The following SLIT3 variants were observed in gnomAD, a reference collection of about 807,000 sequenced individuals.
The protein encoded by SLIT3 is slit guidance ligand 3.
In SLIT3, 68 loss-of-function variants were observed where a neutral mutation model predicts 184.0. That is an observed-to-expected ratio of 0.37 (90% CI 0.30 to 0.45). SLIT3 has a LOEUF of 0.45. Among genes scored for constraint, SLIT3 ranks in the 20% least tolerant of loss-of-function variants. The pLI is 1.00. For synonymous variants in SLIT3, 831 were observed against 828.6 expected (o/e 1.00, Z -0.05); for missense variants, 1,707 against 2,026.0 (o/e 0.84, Z 3.02).
intron 3 of SLIT3, among the ~76,000 whole-genome samples, chr5:169,199,041 T>C (rs28420981): frequency 5.3e-4 from 80 of 151,104 alleles, no homozygotes; most frequent in African/African-American, 1.9e-3. Flanking sequence ...TACATACATA[T>C]ACACATGTCT....
At chr5:169,220,215 G>T (rs893671497) in intron 3 of SLIT3, among the ~76,000 whole-genome samples, 6 of 151,816 alleles carry the variant, frequency 4.0e-5, no homozygotes, top group African/African-American at 1.5e-4. Flanking sequence ...ATAGCCACTG[G>T]TCCCATGGCG....
rs555924639 is a variant in SLIT3 at position 169,088,301 on chromosome 5, C to A, written c.413+105178G>T. ...AGGTGGTTCACGGTGTTTCAGAAGA[C>A]ACAGCACGTATTACAAAGGGTCCAT... is the stretch of plus-strand genomic sequence containing the variant. On this transcript the variant is annotated intron_variant, in intron 4 of 35. Coordinates refer to ENST00000519560, the MANE Select transcript of SLIT3 (RefSeq NM_003062.4). Among the ~76,000 whole-genome samples the A allele has an allele frequency of 5.9e-5, 9 of 152,162 alleles. No individual in the cohort carries two copies. In the South Asian group the frequency reaches 1.5e-3, roughly 25 times the overall value.
chr5:168,832,614 T>A (rs1271913337), intron 6 of SLIT3, among the ~76,000 whole-genome samples: 2 of 152,230 alleles, frequency 1.3e-5, no homozygotes. Context: ...GCTTGTCATA[T>A]AAGTGAGTGA....
rs149975819 is a variant in SLIT3 at position 168,676,880 on chromosome 5, C to T, written c.3687-3549G>A. Among the ~76,000 whole-genome samples, 35 of 152,338 alleles carry T rather than the reference C, an allele frequency of 2.3e-4. No individual in the cohort carries two copies. In the East Asian group the frequency reaches 6.0e-3, roughly 26 times the overall value. On this transcript the variant is annotated intron_variant, in intron 32 of 35. Transcript: ENST00000519560. Reference sequence around the variant, plus strand: ...GCGAACACATACCACCTACTCCTGCCTGGCAGCTGGCTCCAGGCCCAACTC... The same window carrying T: ...GCGAACACATACCACCTACTCCTGCTTGGCAGCTGGCTCCAGGCCCAACTC...
intron 4 of SLIT3, among the ~76,000 whole-genome samples, chr5:169,048,979 T>C (rs1171702713): frequency 1.3e-5 from 2 of 152,286 alleles, no homozygotes; most frequent in African/African-American, 4.8e-5. Context: ...ACAACCAGCA[T>C]AGTATTGGAC....
At chr5:169,161,583 C>T (rs867724158) in intron 4 of SLIT3, among the ~76,000 whole-genome samples, 14 of 151,958 alleles carry the variant, frequency 9.2e-5, no homozygotes, top group African/African-American at 2.9e-4. Context: ...CAGTCACTCC[C>T]GGCTGACCAT....
intron 5 of SLIT3, among the ~76,000 whole-genome samples, chr5:168,873,025 G>A (rs903527925): frequency 3.9e-5 from 6 of 152,096 alleles, no homozygotes; most frequent in African/African-American, 1.4e-4. Flanking sequence ...CCTACCTTGG[G>A]TCTTGGCTGA....
chr5:169,025,728 A>G (rs1756794189), intron 4 of SLIT3, among the ~76,000 whole-genome samples: 1 of 152,146 alleles, frequency 6.6e-6, no homozygotes, highest in Non-Finnish European at 1.5e-5. Flanking sequence ...TTTAACAGCA[A>G]TGTTGTCAGG....
chr5:169,076,009 G>T (rs1758724979), intron 4 of SLIT3, among the ~76,000 whole-genome samples: 1 of 152,240 alleles, frequency 6.6e-6, no homozygotes, highest in South Asian at 2.1e-4. Flanking sequence ...TCTGCAATGT[G>T]GTGAGAGGTG....
intron 3 of SLIT3, among the ~76,000 whole-genome samples, chr5:169,219,361 A>G (rs1268596910): frequency 1.3e-5 from 2 of 152,256 alleles, no homozygotes; most frequent in African/African-American, 4.8e-5. Flanking sequence ...CAACATGCCT[A>G]GAAGGTGCAG....
intron 14 of SLIT3, among the ~76,000 whole-genome samples, chr5:168,766,233 C>T (rs1241079873): frequency 6.6e-6 from 1 of 152,120 alleles, no homozygotes; most frequent in Non-Finnish European, 1.5e-5. Context: ...CTCATGTTTC[C>T]AGAGCTCTCC....
At chr5:169,289,479 A>C (rs1287363988) in intron 1 of SLIT3, among the ~76,000 whole-genome samples, 1 of 152,244 alleles carries the variant, frequency 6.6e-6, no homozygotes, top group Non-Finnish European at 1.5e-5. Context: ...TAAGTAATTC[A>C]TCATTTATAG....
At chr5:168,862,233 G>A (rs1386998886) in intron 5 of SLIT3, among the ~76,000 whole-genome samples, 1 of 152,158 alleles carries the variant, frequency 6.6e-6, no homozygotes, top group Non-Finnish European at 1.5e-5. Flanking sequence ...GGTGGCAAGG[G>A]ATAAAAGACT....
Position 168,823,256 on chromosome 5 carries a change from T to C in SLIT3, c.629+4A>G. The C allele has an allele frequency of 6.2e-7, 1 of 1,612,300 alleles. No individual in the cohort carries two copies. Among genetic ancestry groups the C allele is most frequent in the Non-Finnish European group, 8.5e-7 (1 of 1,178,326 alleles). On this transcript the variant is annotated splice_donor_region_variant and intron_variant, in intron 7 of 35. Coordinates refer to ENST00000519560, the MANE Select transcript of SLIT3 (RefSeq NM_003062.4). The stretch of plus-strand genomic sequence containing the variant: ...TGGGAGAGATGCACAGACTTCTTAC[T>C]CACAGAGTTCGGATCTTCGGCATGT...
intron 4 of SLIT3, chr5:169,026,407 G>A (rs991933413): frequency 6.6e-6 from 1 of 152,162 alleles, no homozygotes; most frequent in Admixed American, 6.5e-5. Flanking sequence ...TGTAAGTTCA[G>A]GAATGTCTGC....
At chr5:169,159,139 T>C (rs297813) in intron 4 of SLIT3, among the ~76,000 whole-genome samples, 119,250 of 151,880 alleles carry the variant, frequency 0.79, 46,892 homozygotes, top group East Asian at 0.91. Context: ...AATCCCAGCG[T>C]TTTGGGAGGC....
chr5:169,102,001 T>C (rs1157064359), intron 4 of SLIT3, among the ~76,000 whole-genome samples: 1 of 152,212 alleles, frequency 6.6e-6, no homozygotes, highest in Non-Finnish European at 1.5e-5. Flanking sequence ...TAGACTTATT[T>C]GTCTTTTCCA....
chr5:168,815,085 C>G (rs1757293149), intron 8 of SLIT3, among the ~76,000 whole-genome samples: 1 of 152,180 alleles, frequency 6.6e-6, no homozygotes, highest in Non-Finnish European at 1.5e-5. Context: ...GGACTAAATT[C>G]TCATGTTCTC....
intron 4 of SLIT3, among the ~76,000 whole-genome samples, chr5:168,989,735 G>C (rs1755253816): frequency 6.6e-6 from 1 of 152,118 alleles, no homozygotes; most frequent in Non-Finnish European, 1.5e-5. Context: ...AGATCAGAGA[G>C]AATGAACAAG....
Sources: gnomAD v4.1 joint callset for allele counts (sites outside exome capture counted in the v4.1 genomes callset) on GRCh38, gnomAD v4.1.1 for gene constraint, MANE v1.5 for transcripts, NCBI Gene and HGNC (gene_info 2026-07-23, HGNC 2026-07-21) for gene names.